The following DYRK1A variants were observed in gnomAD, a reference collection of about 807,000 sequenced individuals.
DYRK1A encodes dual specificity tyrosine phosphorylation regulated kinase 1A.
Under a neutral mutation model 79.7 loss-of-function variants are expected in DYRK1A, and 9 were observed. The observed-to-expected ratio is 0.11, with a 90% CI of 0.07 to 0.20. The LOEUF (loss-of-function observed/expected upper bound fraction) is 0.20, where lower values mean the gene tolerates loss of function less well. Among genes scored for constraint, DYRK1A ranks in the 10% least tolerant of loss-of-function variants. The pLI is 1.00. For missense variants in DYRK1A, 622 were observed against 956.0 expected (o/e 0.65, Z 4.61); for synonymous variants, 349 against 329.7 (o/e 1.06, Z -0.63).
chr21:37,455,840 G>A (rs2051620462), intron 2 of DYRK1A, among the ~76,000 whole-genome samples: 1 of 152,146 alleles, frequency 6.6e-6, no homozygotes, highest in African/African-American at 2.4e-5. Flanking sequence ...TTTAAGTACT[G>A]TTATAAACCC....
intron 9 of DYRK1A, chr21:37,501,689 G>A (rs2148641344): frequency 6.6e-6 from 1 of 152,312 alleles, no homozygotes; most frequent in South Asian, 2.1e-4. Flanking sequence ...CTTTGTGAAT[G>A]TTTTATGTGT....
intron 4 of DYRK1A, among the ~76,000 whole-genome samples, chr21:37,478,512 A>AT (rs569269859): frequency 3.3e-5 from 5 of 152,042 alleles, no homozygotes; most frequent in African/African-American, 7.2e-5. Context: ...GGATAACTTG[A>AT]TTTTTTTAAG....
intron 2 of DYRK1A, among the ~76,000 whole-genome samples, chr21:37,435,716 T>G (rs770715048): frequency 6.6e-6 from 1 of 152,212 alleles, no homozygotes; most frequent in Admixed American, 6.5e-5. Context: ...ATTTTTCTTA[T>G]GACTTTGACC....
At chr21:37,450,076 CT>C (rs2051397994) in intron 2 of DYRK1A, among the ~76,000 whole-genome samples, 1 of 152,188 alleles carries the variant, frequency 6.6e-6, no homozygotes, top group Non-Finnish European at 1.5e-5. Context: ...TGAGCCTCAA[CT>C]TTCCTGCCTC....
chr21:37,457,041 T>TTACTTACTTAG (rs1569339620), intron 2 of DYRK1A, among the ~76,000 whole-genome samples: 4 of 46,972 alleles, frequency 8.5e-5, no homozygotes, highest in African/African-American at 2.4e-4. Context: ...TACTTACTTA[T>TTACTTACTTAG]TTATTTATTT....
chr21:37,482,929 A>C (rs1451602979), intron 5 of DYRK1A, among the ~76,000 whole-genome samples: 6 of 152,208 alleles, frequency 3.9e-5, no homozygotes, highest in South Asian at 4.1e-4. Flanking sequence ...ATTTAAGATT[A>C]TCTCTCTTGT....
chr21:37,442,301 G>T (rs1055283504), intron 2 of DYRK1A, among the ~76,000 whole-genome samples: 2 of 151,772 alleles, frequency 1.3e-5, no homozygotes, highest in Admixed American at 1.3e-4. Flanking sequence ...AAAATTTTTG[G>T]GTTCTCCTCT....
intron 3 of DYRK1A, among the ~76,000 whole-genome samples, chr21:37,475,893 A>G (rs892239616): frequency 5.3e-5 from 8 of 152,202 alleles, no homozygotes; most frequent in African/African-American, 2.4e-5. Context: ...TTGAAATACC[A>G]GTGGAATTGT....
At chr21:37,365,963 C>A (rs1412994104), upstream of DYRK1A, 1 of 152,146 alleles carries the variant, frequency 6.6e-6, no homozygotes, top group Non-Finnish European at 1.5e-5. Flanking sequence ...GCGGCCCGAC[C>A]GGAGCCAGGT....
At chr21:37,401,481 C>CTTTTTTTTT (rs772460097) in intron 1 of DYRK1A, among the ~76,000 whole-genome samples, 1 of 135,034 alleles carries the variant, frequency 7.4e-6, no homozygotes. Context: ...ATTTCTAGTT[C>CTTTTTTTTT]CTTTTTTTTT....
At chr21:37,423,535 G>A (rs1243864325) in intron 2 of DYRK1A, among the ~76,000 whole-genome samples, 2 of 152,078 alleles carry the variant, frequency 1.3e-5, no homozygotes, top group African/African-American at 4.8e-5. Flanking sequence ...AAAGAAACCT[G>A]TGTAAACCAG....
At chr21:37,400,025 C>G (rs541349516) in intron 1 of DYRK1A, among the ~76,000 whole-genome samples, 70 of 152,264 alleles carry the variant, frequency 4.6e-4, no homozygotes, top group African/African-American at 1.7e-3. Flanking sequence ...AGTCCAAAAT[C>G]AGAATCATTG....
chr21:37,493,101 T>G lies in DYRK1A; in HGVS notation c.1009T>G (p.Ser337Ala). The G allele has an allele frequency of 6.2e-7, 1 of 1,613,820 alleles. No homozygotes were observed. Among genetic ancestry groups the G allele is most frequent in the Non-Finnish European group, 8.5e-7 (1 of 1,179,764 alleles). ...TTATGACCTTGCCATTGATATGTGG[T>G]CCCTCGGGTGTATTTTGGTTGAAAT... The part of the protein sequence containing the change: ...MPYDLAIDMW[S>A]LGCILVEMHT... Residue 337 changes from serine (S) to alanine (A), a missense_variant, in exon 8 of 12, where the codon TCC becomes GCC. Ser to Ala is a moderately conservative substitution (Grantham distance 99). Around this residue, in one of 5 missense-constraint regions of DYRK1A, gnomAD observed 138 missense variants for 346.4 expected, o/e 0.40. Transcript: ENST00000647188.
chr21:37,428,791 A>G (rs1013724141), intron 2 of DYRK1A: 2 of 152,204 alleles, frequency 1.3e-5, no homozygotes, highest in African/African-American at 4.8e-5. Context: ...ATCATTGCTT[A>G]AGATTTGGAT....
intron 2 of DYRK1A, among the ~76,000 whole-genome samples, chr21:37,423,237 C>T (rs1320940110): frequency 6.6e-6 from 1 of 152,028 alleles, no homozygotes; most frequent in African/African-American, 2.4e-5. Context: ...TTACCAAAAT[C>T]TCTGCATCCC....
chr21:37,446,599 TTGAG>T (rs979475265), intron 2 of DYRK1A, among the ~76,000 whole-genome samples: 3 of 151,834 alleles, frequency 2.0e-5, no homozygotes, highest in East Asian at 1.9e-4. Context: ...TTTTTTTAAT[TTGAG>T]TGGTGTTTCA....
chr21:37,417,959 A>G (rs2050389793), intron 1 of DYRK1A, among the ~76,000 whole-genome samples: 1 of 152,184 alleles, frequency 6.6e-6, no homozygotes, highest in South Asian at 2.1e-4. Flanking sequence ...TTTGTGGGGC[A>G]GATGATGAAA....
Position 37,479,608 on chromosome 21 carries a change from TTTTGTTTTTTG to T in DYRK1A, c.301-1026_301-1016del, listed in dbSNP as rs1257714877. On this transcript the variant is annotated intron_variant, in intron 4 of 11. Transcript: ENST00000647188. ...GTTGGTGTTTTGTTTTTGTTTTTGTTTTTGTTTTTTGTTTTTTTTTTTTTTTTTGGAGACAG... is the reference window on the plus strand; with the variant it reads ...GTTGGTGTTTTGTTTTTGTTTTTGTTTTTTTTTTTTTTTTTTTGGAGACAG... Among the ~76,000 whole-genome samples, 74 of 70,012 alleles carry T rather than the reference TTTTGTTTTTTG, an allele frequency of 1.1e-3. 3 individuals are homozygous for T. The highest frequency in any genetic ancestry group is 5.4e-3 in the Middle Eastern group (1 of 184). The allele number at this position is 70,012 out of a possible 152,430, so 45.9% of individuals were successfully genotyped here. A position where few individuals can be genotyped will look rare whatever the true frequency, so the allele number is the denominator to read the frequency against.
chr21:37,376,344 A>G (rs945727762), intron 1 of DYRK1A, among the ~76,000 whole-genome samples: 2 of 152,132 alleles, frequency 1.3e-5, no homozygotes, highest in African/African-American at 4.8e-5. Flanking sequence ...CCCCATCTCT[A>G]CTACAGATAC....
Sources: allele counts gnomAD v4.1 joint callset (sites outside exome capture counted in the v4.1 genomes callset), GRCh38; gene constraint gnomAD v4.1.1; regional missense constraint gnomAD v4.1.1; transcripts MANE v1.5; gene names NCBI Gene and HGNC (gene_info 2026-07-23, HGNC 2026-07-21).